Variants in MAP3K2 observed in about 807,000 individuals in gnomAD.
MAP3K2 encodes the protein mitogen-activated protein kinase kinase kinase 2.
Under a neutral mutation model 80.3 loss-of-function variants are expected in MAP3K2, and 24 were observed. The ratio of observed to expected loss-of-function variants is 0.30; its 90% CI spans 0.22 to 0.42. The LOEUF is 0.42. MAP3K2 is among the 10% of genes least tolerant of loss of function. The pLI is 1.00. For missense variants in MAP3K2, 608 were observed against 750.1 expected, an observed-to-expected ratio of 0.81 and a Z score of 2.21; for synonymous variants, 244 against 253.7, an observed-to-expected ratio of 0.96 and a Z score of 0.36.
At chr2:127,313,084 T>A (rs909475705) in intron 15 of MAP3K2, among the ~76,000 whole-genome samples, 8 of 152,236 alleles carry the variant, frequency 5.3e-5, no homozygotes, top group African/African-American at 1.9e-4. Flanking sequence ...TAAGATCATA[T>A]TGCACATCCA....
intron 9 of MAP3K2, 108 bp from the exon 10 acceptor site, chr2:127,324,349 T>C (rs1046666431): frequency 1.7e-6 from 1 of 597,328 alleles, no homozygotes; most frequent in African/African-American, 1.9e-5. Context: ...TATGTGTTTG[T>C]GTAAAGGAGC....
intron 1 of MAP3K2, among the ~76,000 whole-genome samples, chr2:127,354,238 A>T (rs1278690071): frequency 1.8e-5 from 2 of 111,068 alleles, no homozygotes; most frequent in African/African-American, 7.1e-5. Context: ...AGAATGATCA[A>T]TAAAAAAAAA....
chr2:127,354,591 C>T (rs1686765456), intron 1 of MAP3K2, among the ~76,000 whole-genome samples: 2 of 152,040 alleles, frequency 1.3e-5, no homozygotes, highest in South Asian at 4.1e-4. Flanking sequence ...CCTGGTTCTA[C>T]CTAATGAAAC....
intron 12 of MAP3K2, among the ~76,000 whole-genome samples, chr2:127,319,939 G>A (rs1297186527): frequency 6.6e-6 from 1 of 151,568 alleles, no homozygotes; most frequent in Non-Finnish European, 1.5e-5. Flanking sequence ...AGTCAGTGGT[G>A]CACAGAGACC....
At chr2:127,350,354 C>A (rs1194747799) in intron 1 of MAP3K2, among the ~76,000 whole-genome samples, 1 of 150,934 alleles carries the variant, frequency 6.6e-6, no homozygotes, top group Non-Finnish European at 1.5e-5. Flanking sequence ...ATAATCTCAG[C>A]TACTCAGGAG....
chr2:127,378,971 GTTTT>G (rs1291494831), intron 1 of MAP3K2, among the ~76,000 whole-genome samples: 1 of 129,922 alleles, frequency 7.7e-6, no homozygotes, highest in Non-Finnish European at 1.6e-5. Context: ...ATTTTGTGGG[GTTTT>G]TTGTTGTTTT....
chr2:127,359,908 T>G (rs188035537), intron 1 of MAP3K2, among the ~76,000 whole-genome samples: 1 of 152,332 alleles, frequency 6.6e-6, no homozygotes, highest in Admixed American at 6.5e-5. Flanking sequence ...TGTGAGCCAA[T>G]TAAACCTCTT....
rs1244390842 is a variant in MAP3K2 at position 127,364,927 on chromosome 2, A to G, written c.-65-21733T>C. Among the ~76,000 whole-genome samples, 1 of 152,102 alleles carries G rather than the reference A, an allele frequency of 6.6e-6. No individual in the cohort carries two copies. The highest frequency in any genetic ancestry group is 1.9e-4 in the East Asian group (1 of 5,192). On this transcript the variant is annotated intron_variant, in intron 1 of 16. Transcript: ENST00000682094. The surrounding 1 kb of genome is among the most constrained non-coding windows in gnomAD (Gnocchi z 4.1). ...CAGATCACCTGAGGTCAGGAGTTTG[A>G]GACCGGCCTGGCCAACATGGCAAAA...
chr2:127,333,550 G>C (rs1025961968), intron 5 of MAP3K2, among the ~76,000 whole-genome samples: 3 of 152,102 alleles, frequency 2.0e-5, no homozygotes, highest in African/African-American at 4.8e-5. Context: ...AGTACCCCCA[G>C]TGTCCAAGAT....
rs537126840 is a variant in MAP3K2, at chr2:127,335,815, C to T, written c.264+55G>A. On this transcript the variant is annotated intron_variant, in intron 5 of 16. Coordinates refer to ENST00000682094, the MANE Select transcript of MAP3K2 (RefSeq NM_001371910.2). ...CGAGTCTTAAAAGCAGTCTCTTAAACGAACACATTACTTTTGAAGGTAAGA... is the reference window on the plus strand; with the variant it reads ...CGAGTCTTAAAAGCAGTCTCTTAAATGAACACATTACTTTTGAAGGTAAGA... 33 of 953,544 alleles carry T rather than the reference C, an allele frequency of 3.5e-5. No homozygotes were observed. The East Asian group carries it at 6.9e-4, about 20-fold the overall frequency. 59.1% of individuals were successfully genotyped at this position (953,544 alleles called of 1,614,324 possible). A position where few individuals can be genotyped will look rare whatever the true frequency, so the allele number is the denominator to read the frequency against.
intron 2 of MAP3K2, among the ~76,000 whole-genome samples, chr2:127,341,619 G>A (rs1485419039): frequency 2.2e-5 from 3 of 136,340 alleles, no homozygotes; most frequent in Non-Finnish European, 4.6e-5. Flanking sequence ...TACAAGATCC[G>A]CCTCCTGGGT....
In MAP3K2 at chr2:127,335,893, C is replaced by T; in HGVS notation, c.241G>A (p.Asp81Asn). 4.5e-6 allele frequency: 7 copies of T among 1,566,322 alleles called. No individual in the cohort carries two copies. Among genetic ancestry groups the T allele is most frequent in the Non-Finnish European group, 5.2e-6 (6 of 1,151,038 alleles). The change falls in exon 5 of 17, where the codon GAT becomes AAT. Residue 81 changes from aspartate (D) to asparagine (N), a missense_variant. This residue lies in a region of MAP3K2 where 467 missense variants were observed against 521.9 expected (regional missense o/e 0.89). Coordinates refer to ENST00000682094, the MANE Select transcript of MAP3K2 (RefSeq NM_001371910.2). ...ACCTCGTTATTGGTATAATGTAGAT[C>T]CATAGACTGTCCAAAGGCAATTTTA... is the stretch of plus-strand genomic sequence containing the variant. Reference protein sequence around the residue: ...KAKIAFGQSMDLHYTNNELVI... With the variant: ...KAKIAFGQSMNLHYTNNELVI...
intron 15 of MAP3K2, among the ~76,000 whole-genome samples, chr2:127,311,165 T>C (rs532957586): frequency 7.9e-5 from 12 of 152,100 alleles, no homozygotes; most frequent in Non-Finnish European, 1.5e-4. Flanking sequence ...CAGAGGAGAG[T>C]CCAGGGTCCA....
chr2:127,371,106 C>T (rs904522474), intron 1 of MAP3K2, among the ~76,000 whole-genome samples: 5 of 152,206 alleles, frequency 3.3e-5, no homozygotes, highest in South Asian at 4.1e-4. Flanking sequence ...AAAACAGAGC[C>T]GCTAGCCCAT....
At position 127,303,003 on chromosome 2, in the gene MAP3K2, T is replaced by C. The variant is rs1343678911; in HGVS notation, c.*4576A>G. On this transcript the variant is annotated 3_prime_UTR_variant, in exon 17 of 17. Coordinates refer to ENST00000682094, the MANE Select transcript of MAP3K2 (RefSeq NM_001371910.2). ...ATGAACTTGTGAAGCCTACTGATTT[T>C]GGAAAAAATCTTCATTTTGGTGGGT... 1.3e-5 allele frequency: 2 copies of C among 152,116 alleles called. No individual in the cohort carries two copies. The highest frequency in any genetic ancestry group is 6.6e-5 in the Admixed American group (1 of 15,266). The allele number at this position is 152,116 out of a possible 1,614,324, so 9.4% of individuals were successfully genotyped here. A position where few individuals can be genotyped will look rare whatever the true frequency, so the allele number is the denominator to read the frequency against.
chr2:127,357,499 TAGAACAGAAC>T (rs1371346261), intron 1 of MAP3K2, among the ~76,000 whole-genome samples: 1 of 152,008 alleles, frequency 6.6e-6, no homozygotes, highest in Admixed American at 6.5e-5. Context: ...TACAGAAGAA[TAGAACAGAAC>T]AGAATAGGAA....
At chr2:127,367,090 C>T (rs1686986748) in intron 1 of MAP3K2, among the ~76,000 whole-genome samples, 2 of 151,998 alleles carry the variant, frequency 1.3e-5, no homozygotes, top group South Asian at 2.1e-4. Flanking sequence ...CATAACTAAC[C>T]TACCCTTTCT....
At chr2:127,354,206 AC>A (rs1170257717) in intron 1 of MAP3K2, among the ~76,000 whole-genome samples, 1 of 129,972 alleles carries the variant, frequency 7.7e-6, no homozygotes, top group Non-Finnish European at 1.6e-5. Context: ...CCTGCCAAAT[AC>A]CCCTCTGCGA....
intron 1 of MAP3K2, among the ~76,000 whole-genome samples, chr2:127,376,128 T>C (rs1014771654): frequency 6.6e-6 from 1 of 152,150 alleles, no homozygotes; most frequent in Non-Finnish European, 1.5e-5. Flanking sequence ...CAAACCTTCT[T>C]GGAAGGCTGT....
Sources: allele counts gnomAD v4.1 joint callset (sites outside exome capture counted in the v4.1 genomes callset), GRCh38; gene constraint gnomAD v4.1.1; regional missense constraint gnomAD v4.1.1; non-coding constraint Gnocchi (gnomAD v3.1); transcripts MANE v1.5; gene names NCBI Gene and HGNC (gene_info 2026-07-23, HGNC 2026-07-21).